Variants in CEP128 observed in about 807,000 individuals in gnomAD.
CEP128 encodes centrosomal protein 128.
A neutral mutation model predicts 156.7 loss-of-function variants in CEP128; 132 were observed. The ratio of observed to expected loss-of-function variants is 0.84; its 90% CI spans 0.73 to 0.97. The LOEUF (loss-of-function observed/expected upper bound fraction) is 0.97. CEP128 is among the 50% of genes least tolerant of loss of function. The pLI is 0.00. For missense variants in CEP128, 1,252 were observed against 1,281.9 expected (o/e 0.98, Z 0.36); for synonymous variants, 469 against 448.9 (o/e 1.04, Z -0.57).
chr14:80,685,430 G>A (rs1896486963), intron 19 of CEP128, among the ~76,000 whole-genome samples: 1 of 151,910 alleles, frequency 6.6e-6, no homozygotes, highest in Admixed American at 6.6e-5. Context: ...AAACACTGCT[G>A]AAATAAATTA....
chr14:80,500,601 T>C (rs181584799), intron 24 of CEP128, among the ~76,000 whole-genome samples: 1 of 152,358 alleles, frequency 6.6e-6, no homozygotes, highest in African/African-American at 2.4e-5. Context: ...AAGGGTTACA[T>C]AGAAAAACAG....
chr14:80,518,939 T>C (rs1019474767), intron 23 of CEP128, among the ~76,000 whole-genome samples: 3 of 152,230 alleles, frequency 2.0e-5, no homozygotes, highest in African/African-American at 7.2e-5. Flanking sequence ...TGTCATCTCC[T>C]CTAATTCTAT....
downstream of CEP128, among the ~76,000 whole-genome samples, chr14:80,493,098 A>C (rs1415995584): frequency 6.6e-6 from 1 of 152,186 alleles, no homozygotes. Flanking sequence ...ATGCCAGTCA[A>C]ACTGCTTCAC....
chr14:80,680,010 C>G (rs1314362198), intron 19 of CEP128, among the ~76,000 whole-genome samples: 1 of 152,180 alleles, frequency 6.6e-6, no homozygotes, highest in Non-Finnish European at 1.5e-5. Context: ...CAAAGTCAGC[C>G]AGTCTGTGTG....
chr14:80,952,055 T>C (rs1220827990), intron 2 of CEP128, among the ~76,000 whole-genome samples: 1 of 152,100 alleles, frequency 6.6e-6, no homozygotes, highest in Non-Finnish European at 1.5e-5. Context: ...AAATCCCCAA[T>C]TGTAGTAAAA....
chr14:80,679,576 C>A (rs943224283), intron 19 of CEP128, among the ~76,000 whole-genome samples: 17 of 152,052 alleles, frequency 1.1e-4, no homozygotes, highest in Non-Finnish European at 1.5e-4. Flanking sequence ...GCTCTCAAAC[C>A]CTGTTTCCTG....
At chr14:80,839,281 T>C (rs904068093) in intron 10 of CEP128, among the ~76,000 whole-genome samples, 8 of 152,266 alleles carry the variant, frequency 5.3e-5, no homozygotes, top group Non-Finnish European at 1.0e-4. Context: ...CACATTTATA[T>C]TAAGATGCTT....
chr14:80,660,994 A>G (rs2122253), intron 19 of CEP128, among the ~76,000 whole-genome samples: 22,064 of 152,172 alleles, frequency 0.14, 1,794 homozygotes, highest in South Asian at 0.32. Context: ...AGGTCTTTCC[A>G]CAGACCCTTC....
intron 8 of CEP128, among the ~76,000 whole-genome samples, chr14:80,868,574 G>A (rs374569216): frequency 6.6e-6 from 1 of 151,284 alleles, no homozygotes; most frequent in East Asian, 1.9e-4. Flanking sequence ...AAGACAGAGA[G>A]AAAAAAATAA....
intron 19 of CEP128, among the ~76,000 whole-genome samples, chr14:80,712,029 G>T (rs1897431763): frequency 6.6e-6 from 1 of 152,008 alleles, no homozygotes; most frequent in African/African-American, 2.4e-5. Context: ...ACTACATGTG[G>T]CTATCCTAGG....
At position 80,559,271 on chromosome 14, in the gene CEP128, C is replaced by T. The variant is rs201550110; in HGVS notation, c.2880+8G>A. ...TGATAAAAGGAGAAAGAAAATGCCC[C>T]AACTTACCGTTTCTAATGCAATTAC... On this transcript the variant is annotated splice_region_variant and intron_variant, in intron 21 of 24. Transcript: ENST00000555265. 4.2e-5 allele frequency: 68 copies of T among 1,604,618 alleles called. No individual in the cohort carries two copies. Among genetic ancestry groups the T allele is most frequent in the Middle Eastern group, 3.3e-4 (2 of 6,056 alleles).
At chr14:80,681,302 C>T (rs1390192179) in intron 19 of CEP128, among the ~76,000 whole-genome samples, 1 of 152,130 alleles carries the variant, frequency 6.6e-6, no homozygotes, top group Non-Finnish European at 1.5e-5. Flanking sequence ...GTCAGCATCT[C>T]CAGATGAGAA....
chr14:80,911,264 C>T (rs1884198835), intron 4 of CEP128, among the ~76,000 whole-genome samples: 1 of 152,150 alleles, frequency 6.6e-6, no homozygotes, highest in African/African-American at 2.4e-5. Flanking sequence ...TTTGGGAGGC[C>T]AAGGCGGAAG....
chr14:80,757,881 A>G (rs190403156), intron 17 of CEP128, among the ~76,000 whole-genome samples: 5 of 152,158 alleles, frequency 3.3e-5, no homozygotes, highest in Admixed American at 3.3e-4. Flanking sequence ...CTTATATCCA[A>G]TTTTCTCTCA....
chr14:80,777,540 A>C (rs1900860217), intron 16 of CEP128, among the ~76,000 whole-genome samples: 2 of 152,370 alleles, frequency 1.3e-5, no homozygotes, highest in South Asian at 4.1e-4. Flanking sequence ...TGTAAGACTT[A>C]AATGATGGAT....
intron 19 of CEP128, among the ~76,000 whole-genome samples, chr14:80,625,714 T>TCCTTCC (rs1050218868): frequency 7.9e-5 from 12 of 152,022 alleles, no homozygotes; most frequent in Admixed American, 7.2e-4. Context: ...TTCCGTCCTC[T>TCCTTCC]CCTTCCCCTT....
At chr14:80,782,111 C>T (rs1901153242) in intron 15 of CEP128, among the ~76,000 whole-genome samples, 1 of 152,224 alleles carries the variant, frequency 6.6e-6, no homozygotes, top group African/African-American at 2.4e-5. Flanking sequence ...CACTATTTCT[C>T]ATCAACCCCC....
At chr14:80,762,113 C>T (rs1900000149) in intron 16 of CEP128, among the ~76,000 whole-genome samples, 1 of 152,048 alleles carries the variant, frequency 6.6e-6, no homozygotes, top group Non-Finnish European at 1.5e-5. Flanking sequence ...AATGCAATTG[C>T]ATTTACCACA....
chr14:80,547,586 G>A (rs1048125900), intron 21 of CEP128, among the ~76,000 whole-genome samples: 1 of 152,144 alleles, frequency 6.6e-6, no homozygotes, highest in African/African-American at 2.4e-5. Context: ...TATCTAAAAT[G>A]TGAGAACCAT....
Sources: allele counts gnomAD v4.1 joint callset (sites outside exome capture counted in the v4.1 genomes callset), GRCh38; gene constraint gnomAD v4.1.1; transcripts MANE v1.5; gene names NCBI Gene and HGNC (gene_info 2026-07-23, HGNC 2026-07-21).